Variants in PABPC4L observed in about 807,000 individuals in gnomAD.
PABPC4L encodes poly(A) binding protein cytoplasmic 4 like, also known as polyadenylate-binding protein 4-like.
For missense variants in PABPC4L, 452 were observed against 451.4 expected (o/e 1.00, Z -0.01); for synonymous variants, 169 against 164.1 (o/e 1.03, Z -0.23).
the PABPC4L span, among the ~76,000 whole-genome samples, chr4:134,126,433 T>C: frequency 1.2e-3 from 182 of 152,252 alleles, no homozygotes; most frequent in African/African-American, 4.2e-3. Context: ...CTCCAGATTA[T>C]GTATCTGGAT....
the PABPC4L span, among the ~76,000 whole-genome samples, chr4:134,069,842 T>C: frequency 6.6e-6 from 1 of 152,138 alleles, no homozygotes; most frequent in Non-Finnish European, 1.5e-5. Context: ...TCAGCCTGGA[T>C]ATGAGCCATT....
chr4:134,140,711 A>T, the PABPC4L span, among the ~76,000 whole-genome samples: 3 of 151,872 alleles, frequency 2.0e-5, no homozygotes, highest in African/African-American at 7.2e-5. Context: ...AATTTATAGG[A>T]GATACAATAT....
At chr4:134,082,420 G>C in the PABPC4L span, among the ~76,000 whole-genome samples, 1 of 152,122 alleles carries the variant, frequency 6.6e-6, no homozygotes, top group Non-Finnish European at 1.5e-5. Flanking sequence ...GTAAAGGTCA[G>C]CTATTCCATA....
chr4:134,031,434 A>G, the PABPC4L span, among the ~76,000 whole-genome samples: 1 of 151,964 alleles, frequency 6.6e-6, no homozygotes, highest in Non-Finnish European at 1.5e-5. Flanking sequence ...GCTTTATCAC[A>G]TCATGTATTA....
At chr4:133,970,667 C>A in the PABPC4L span, among the ~76,000 whole-genome samples, 3 of 152,136 alleles carry the variant, frequency 2.0e-5, no homozygotes, top group Non-Finnish European at 4.4e-5. Context: ...CCTCAAAATT[C>A]ATACGTTGAA....
chr4:134,004,162 G>A, the PABPC4L span, among the ~76,000 whole-genome samples: 1 of 151,690 alleles, frequency 6.6e-6, no homozygotes, highest in South Asian at 2.1e-4. Flanking sequence ...AAACTAACAA[G>A]CTTCTCTACA....
At chr4:134,011,320 A>AG in the PABPC4L span, among the ~76,000 whole-genome samples, 1 of 152,210 alleles carries the variant, frequency 6.6e-6, no homozygotes, top group South Asian at 2.1e-4. Context: ...TTACATTACA[A>AG]GTTTCATTTT....
the PABPC4L span, among the ~76,000 whole-genome samples, chr4:133,963,998 A>T: frequency 6.6e-6 from 1 of 151,752 alleles, no homozygotes. Context: ...ATGAAATTGA[A>T]ACAAAAAAAT....
At chr4:133,970,742 G>A in the PABPC4L span, among the ~76,000 whole-genome samples, 1 of 152,182 alleles carries the variant, frequency 6.6e-6, no homozygotes, top group East Asian at 1.9e-4. Context: ...GGTCATGAGA[G>A]CACAGCTCTT....
chr4:134,095,734 C>G, the PABPC4L span, among the ~76,000 whole-genome samples: 1 of 151,964 alleles, frequency 6.6e-6, no homozygotes, highest in Admixed American at 6.6e-5. Context: ...ACTTCTCCTT[C>G]AGCTACCTTG....
the PABPC4L span, among the ~76,000 whole-genome samples, chr4:133,989,830 C>T: frequency 6.6e-6 from 1 of 152,070 alleles, no homozygotes; most frequent in African/African-American, 2.4e-5. Context: ...AAGAAAAGAG[C>T]CTTAATTGAC....
At chr4:134,063,209 G>C in the PABPC4L span, among the ~76,000 whole-genome samples, 1 of 152,024 alleles carries the variant, frequency 6.6e-6, no homozygotes, top group Admixed American at 6.6e-5. Flanking sequence ...TTCCCATATT[G>C]AAAGAAAAGC....
the PABPC4L span, among the ~76,000 whole-genome samples, chr4:134,093,896 T>C: frequency 6.6e-6 from 1 of 151,616 alleles, no homozygotes; most frequent in South Asian, 2.1e-4. Flanking sequence ...TGTATATTTA[T>C]GTATTTACAT....
At chr4:134,173,021 C>T in the PABPC4L span, among the ~76,000 whole-genome samples, 4 of 151,402 alleles carry the variant, frequency 2.6e-5, no homozygotes, top group African/African-American at 9.7e-5. Context: ...TGTCATCTCA[C>T]CCAGTTAAAA....
chr4:134,061,620 CAGAGAGAGAGAG>C, the PABPC4L span, among the ~76,000 whole-genome samples: 2,490 of 143,220 alleles, frequency 0.017, 65 homozygotes, highest in African/African-American at 0.054. Flanking sequence ...CAAACATACA[CAGAGAGAGAGAG>C]AGAGAGAGAG....
At chr4:134,124,413 C>G in the PABPC4L span, among the ~76,000 whole-genome samples, 11 of 152,164 alleles carry the variant, frequency 7.2e-5, no homozygotes, top group African/African-American at 2.6e-4. Flanking sequence ...CAAAAGTTTA[C>G]TAGTACCAAT....
At chr4:134,113,239 T>C in the PABPC4L span, among the ~76,000 whole-genome samples, 22 of 152,030 alleles carry the variant, frequency 1.4e-4, no homozygotes, top group Admixed American at 5.9e-4. Flanking sequence ...ATGTGCAATG[T>C]TTATAAGGTC....
At chr4:134,007,693 C>A in the PABPC4L span, among the ~76,000 whole-genome samples, 1 of 151,590 alleles carries the variant, frequency 6.6e-6, no homozygotes, top group East Asian at 1.9e-4. Context: ...AACTATAGAT[C>A]TTTTTGTATA....
At chr4:134,161,914 T>TG in the PABPC4L span, among the ~76,000 whole-genome samples, 4 of 151,904 alleles carry the variant, frequency 2.6e-5, no homozygotes, top group Admixed American at 2.6e-4. Context: ...AATTAAAAAG[T>TG]GGGGGGATGA....
Sources: allele counts gnomAD v4.1 joint callset (sites outside exome capture counted in the v4.1 genomes callset), GRCh38; gene constraint gnomAD v4.1.1; transcripts MANE v1.5; gene names NCBI Gene and HGNC (gene_info 2026-07-23, HGNC 2026-07-21).